The following CACNA1D variants were observed in gnomAD, a reference collection of about 807,000 sequenced individuals.
CACNA1D encodes the protein voltage-dependent L-type calcium channel subunit alpha-1D.
In CACNA1D, 55 loss-of-function variants were observed where a neutral mutation model predicts 257.1. The observed-to-expected ratio is 0.21, with a 90% CI of 0.17 to 0.27. The LOEUF (loss-of-function observed/expected upper bound fraction) is 0.27, where lower values mean the gene tolerates loss of function less well. Among genes scored for constraint, CACNA1D ranks in the 10% least tolerant of loss-of-function variants. The pLI, the probability that CACNA1D is intolerant of heterozygous loss-of-function variation, is 1.00. For synonymous variants in CACNA1D, 980 were observed against 1,014.9 expected (o/e 0.97, Z 0.65); for missense variants, 1,876 against 2,784.0 (o/e 0.67, Z 7.34).
intron 3 of CACNA1D, among the ~76,000 whole-genome samples, chr3:53,629,116 A>G (rs2093793480): frequency 6.6e-6 from 1 of 152,216 alleles, no homozygotes; most frequent in Admixed American, 6.5e-5. Flanking sequence ...GCAGCCTTAG[A>G]CAAGAAAACA....
chr3:53,620,658 G>A (rs549299214), intron 3 of CACNA1D, among the ~76,000 whole-genome samples: 16 of 152,350 alleles, frequency 1.1e-4, no homozygotes, highest in African/African-American at 3.8e-4. Flanking sequence ...CTTTCATGAT[G>A]TGGGAACATC....
In CACNA1D at chr3:53,693,585, T is replaced by G. The variant is rs535654628; in HGVS notation, c.1221-9056T>G. Among the ~76,000 whole-genome samples the G allele has an allele frequency of 2.2e-4, 34 of 152,320 alleles. No individual in the cohort carries two copies. In the Middle Eastern group the frequency reaches 0.01, roughly 46 times the overall value. On this transcript the variant is annotated intron_variant, in intron 8 of 47. Transcript: ENST00000350061. ...AATCAAACTACATTTGCATTCTGTT[T>G]CATTTCCTTCATGTCTATGTAGAGG...
At chr3:53,632,715 T>G (rs944804723) in intron 3 of CACNA1D, among the ~76,000 whole-genome samples, 16 of 152,184 alleles carry the variant, frequency 1.1e-4, no homozygotes, top group Non-Finnish European at 2.1e-4. Flanking sequence ...AATTTCAATG[T>G]TATTGCGTCT....
At chr3:53,794,187 T>C (rs2095497478) in intron 40 of CACNA1D, among the ~76,000 whole-genome samples, 1 of 152,180 alleles carries the variant, frequency 6.6e-6, no homozygotes, top group Non-Finnish European at 1.5e-5. Context: ...TGATGTGACG[T>C]AGTAGTAAAA....
Position 53,800,109 on chromosome 3 carries a change from GA to G in CACNA1D, c.4924-139del, listed in dbSNP as rs2095528724. ...CAACAACCCTTAGACTGCCTTCAGT[GA>G]CATCAGTCAGTGCCCTGGATTGGCT... On this transcript the variant is annotated intron_variant, in intron 40 of 47. Transcript: ENST00000350061. The surrounding 1 kb of genome is among the most constrained non-coding windows in gnomAD (Gnocchi z 4.3). The G allele has an allele frequency of 1.3e-6, 1 of 764,088 alleles. No individual in the cohort carries two copies. Among genetic ancestry groups the G allele is most frequent in the Non-Finnish European group, 2.4e-6 (1 of 415,958 alleles). The allele number at this position is 764,088 out of a possible 1,614,324, so 47.3% of individuals were successfully genotyped here. A position where few individuals can be genotyped will look rare whatever the true frequency, so the allele number is the denominator to read the frequency against.
intron 3 of CACNA1D, among the ~76,000 whole-genome samples, chr3:53,519,888 A>G (rs1055456992): frequency 6.6e-6 from 1 of 152,194 alleles, no homozygotes; most frequent in African/African-American, 2.4e-5. Flanking sequence ...TGAATATTTC[A>G]TATAAACGGG....
At chr3:53,695,925 T>G (rs1174491935) in intron 8 of CACNA1D, among the ~76,000 whole-genome samples, 3 of 152,140 alleles carry the variant, frequency 2.0e-5, no homozygotes, top group African/African-American at 7.2e-5. Flanking sequence ...TTAAGCCCCT[T>G]TCTGGACTGA....
intron 9 of CACNA1D, among the ~76,000 whole-genome samples, chr3:53,704,516 A>G (rs184166107): frequency 6.6e-6 from 1 of 152,312 alleles, no homozygotes; most frequent in East Asian, 1.9e-4. Flanking sequence ...TGTGCCTATG[A>G]AGTGATCAGA....
rs370890846 is a variant in CACNA1D at position 53,731,036 on chromosome 3, A to G, written c.2337-41A>G. On this transcript the variant is annotated intron_variant, in intron 16 of 47. Coordinates refer to ENST00000350061, the MANE Select transcript of CACNA1D (RefSeq NM_001128840.3). ...GATTAGCATTTTTATACAGAGTAAC[A>G]TGGTTATTTGGTTTCTTGTGCTCTT... 159 of 1,204,516 alleles carry G rather than the reference A, an allele frequency of 1.3e-4. 1 individual carries two copies. In the African/African-American group the frequency reaches 2.0e-3, roughly 15 times the overall value. 74.6% of individuals were successfully genotyped at this position (1,204,516 alleles called of 1,614,324 possible). A position where few individuals can be genotyped will look rare whatever the true frequency, so the allele number is the denominator to read the frequency against.
At chr3:53,802,906 G>A (rs916808171) in intron 43 of CACNA1D, among the ~76,000 whole-genome samples, 20 of 152,148 alleles carry the variant, frequency 1.3e-4, no homozygotes, top group Non-Finnish European at 2.6e-4. Context: ...GAAACATGGT[G>A]GACATGTTCT....
chr3:53,517,216 CTG>C (rs2091373647), intron 3 of CACNA1D, among the ~76,000 whole-genome samples: 1 of 6,648 alleles, frequency 1.5e-4, no homozygotes, highest in African/African-American at 9.3e-4. Context: ...CTGCAAGGCC[CTG>C]AATCCTAATC....
At chr3:53,581,603 T>C (rs1445235692) in intron 3 of CACNA1D, among the ~76,000 whole-genome samples, 2 of 152,236 alleles carry the variant, frequency 1.3e-5, no homozygotes, top group Non-Finnish European at 2.9e-5. Flanking sequence ...AGGTATTTGT[T>C]AAATACTTAA....
intron 6 of CACNA1D, 130 bp downstream of exon 6, chr3:53,665,942 G>T: frequency 2.8e-6 from 2 of 707,192 alleles, no homozygotes; most frequent in South Asian, 3.3e-5. Context: ...CACATTTACT[G>T]AGCCAGTTCT....
intron 30 of CACNA1D, among the ~76,000 whole-genome samples, chr3:53,768,103 G>A (rs80097462): frequency 0.02 from 3,105 of 152,246 alleles, 111 homozygotes; most frequent in African/African-American, 0.071. Context: ...AATTCAGTTC[G>A]GTTGCTGACT....
intron 3 of CACNA1D, among the ~76,000 whole-genome samples, chr3:53,542,205 GTT>G (rs200946665): frequency 7.5e-5 from 11 of 147,252 alleles, no homozygotes; most frequent in East Asian, 2.0e-4. Context: ...AAAAATGCAG[GTT>G]TTTTTTTTTT....
rs780192900 is a variant in CACNA1D, at chr3:53,660,350, C to T, written c.766+75C>T. 18 of 1,452,052 alleles carry T rather than the reference C, an allele frequency of 1.2e-5. No homozygotes were observed. In the East Asian group the frequency reaches 2.7e-4, roughly 22 times the overall value. 89.9% of individuals were successfully genotyped at this position (1,452,052 alleles called of 1,614,324 possible). ...CAGGTGGGTTTCAGAATCACTGGTG[C>T]TTTGAGGTGAGTTGCTCTGTGCCAG... is the stretch of plus-strand genomic sequence containing the variant. On this transcript the variant is annotated intron_variant, in intron 5 of 47. Transcript: ENST00000350061.
intron 9 of CACNA1D, among the ~76,000 whole-genome samples, chr3:53,704,552 C>T (rs992748600): frequency 6.6e-6 from 1 of 152,218 alleles, no homozygotes; most frequent in Non-Finnish European, 1.5e-5. Context: ...CTGTCCTCTG[C>T]ACAGCTCTCC....
At chr3:53,700,487 G>A (rs1252679092) in intron 8 of CACNA1D, among the ~76,000 whole-genome samples, 3 of 152,200 alleles carry the variant, frequency 2.0e-5, no homozygotes, top group African/African-American at 4.8e-5. Flanking sequence ...TTTTTTCAGA[G>A]TTCAGAGAAT....
In CACNA1D at chr3:53,733,058, T is replaced by G; in HGVS notation, c.2621+96T>G. 3.2e-6 allele frequency: 4 copies of G among 1,254,026 alleles called. No individual in the cohort carries two copies. In the South Asian group the frequency reaches 5.0e-5, roughly 16 times the overall value. The allele number at this position is 1,254,026 out of a possible 1,614,324, so 77.7% of individuals were successfully genotyped here. On this transcript the variant is annotated intron_variant, in intron 19 of 47. Coordinates refer to ENST00000350061, the MANE Select transcript of CACNA1D (RefSeq NM_001128840.3). ...TCGGGTGGGGGTGAGGGGAAGTGGT[T>G]CACAGCCCTTTCTGAACCTGAGTGT... is the stretch of plus-strand genomic sequence containing the variant.
Sources: allele counts gnomAD v4.1 joint callset (sites outside exome capture counted in the v4.1 genomes callset), GRCh38; gene constraint gnomAD v4.1.1; non-coding constraint Gnocchi (gnomAD v3.1); transcripts MANE v1.5; gene names NCBI Gene and HGNC (gene_info 2026-07-23, HGNC 2026-07-21).